The following CDH7 variants were observed in gnomAD, a reference collection of about 807,000 sequenced individuals.
CDH7 encodes cadherin-7.
Under a neutral mutation model 71.8 loss-of-function variants are expected in CDH7, and 25 were observed. The observed-to-expected ratio is 0.35, with a 90% CI of 0.25 to 0.49. CDH7 has a LOEUF of 0.49. CDH7 is among the 20% of genes least tolerant of loss of function. CDH7 has a pLI of 0.99. For synonymous variants in CDH7, 381 were observed against 363.8 expected (o/e 1.05, Z -0.54); for missense variants, 862 against 974.6 (o/e 0.88, Z 1.54).
intron 6 of CDH7, among the ~76,000 whole-genome samples, chr18:65,825,121 A>C (rs1345148895): frequency 6.6e-6 from 1 of 151,910 alleles, no homozygotes; most frequent in Non-Finnish European, 1.5e-5. Context: ...ATTTGGAGAG[A>C]TGAATATGTT....
rs1283831276 is a variant in CDH7, at chr18:65,789,292, A to G, written c.211-20412A>G. 2.0e-5 allele frequency among the ~76,000 whole-genome samples: 3 copies of G among 152,186 alleles called. No homozygotes were observed. The East Asian group carries it at 5.8e-4, about 29-fold the overall frequency. On this transcript the variant is annotated intron_variant, in intron 2 of 11. Transcript: ENST00000397968. The stretch of plus-strand genomic sequence containing the variant: ...GACTCCTAAATAAATGGGACTAGAG[A>G]AAAAGATAGTGTTGTTCAAAAGAAG...
chr18:65,775,252 G>A (rs1909894190), intron 2 of CDH7, among the ~76,000 whole-genome samples: 1 of 152,156 alleles, frequency 6.6e-6, no homozygotes, highest in South Asian at 2.1e-4. Flanking sequence ...GTGGTGCTGG[G>A]TGTGGAAGAT....
At chr18:65,793,790 GTCA>G (rs1172682013) in intron 2 of CDH7, among the ~76,000 whole-genome samples, 2 of 152,108 alleles carry the variant, frequency 1.3e-5, no homozygotes, top group African/African-American at 2.4e-5. Flanking sequence ...TGAAGCTGTT[GTCA>G]TCATGTTTCT....
intron 2 of CDH7, among the ~76,000 whole-genome samples, chr18:65,782,143 T>C (rs1288587229): frequency 1.9e-5 from 2 of 105,516 alleles, no homozygotes; most frequent in Non-Finnish European, 3.4e-5. Context: ...TCTTTCTTTC[T>C]TTCTTTCTTT....
intron 2 of CDH7, 78 bp from the exon 3 acceptor site, chr18:65,809,621 CTGACA>C (rs1911449817): frequency 8.6e-7 from 1 of 1,169,436 alleles, no homozygotes; most frequent in Non-Finnish European, 1.2e-6. Flanking sequence ...GTACTCCTGC[CTGACA>C]TAAGAATTAT....
intron 7 of CDH7, among the ~76,000 whole-genome samples, chr18:65,856,986 G>T (rs867804528): frequency 2.8e-4 from 42 of 147,968 alleles, no homozygotes; most frequent in African/African-American, 1.0e-3. Context: ...CATGTCTTTA[G>T]AATCCTGGTC....
chr18:65,833,147 T>C (rs1912411988), intron 6 of CDH7, among the ~76,000 whole-genome samples: 1 of 152,130 alleles, frequency 6.6e-6, no homozygotes, highest in Non-Finnish European at 1.5e-5. Context: ...TGTGGAGGTG[T>C]TAATAATGCT....
At chr18:65,815,700 T>C (rs1235952621) in intron 4 of CDH7, among the ~76,000 whole-genome samples, 1 of 152,188 alleles carries the variant, frequency 6.6e-6, no homozygotes, top group Non-Finnish European at 1.5e-5. Flanking sequence ...CATGGAAATC[T>C]ACAAAGGAAG....
At chr18:65,841,194 A>G (rs1912719710) in intron 6 of CDH7, among the ~76,000 whole-genome samples, 1 of 152,156 alleles carries the variant, frequency 6.6e-6, no homozygotes, top group South Asian at 2.1e-4. Flanking sequence ...GCAACCAATC[A>G]TCATGCATAA....
In CDH7 at chr18:65,885,129, A is replaced by G. The variant is rs1382945370; in HGVS notation, c.*4235A>G. ...AGTCGGCTGGATATAATAAAGAACA[A>G]GAAAGGAATAATAGCATTTGCATTT... On this transcript the variant is annotated 3_prime_UTR_variant, in exon 12 of 12. Coordinates refer to ENST00000397968, the MANE Select transcript of CDH7 (RefSeq NM_004361.5). 1.3e-5 allele frequency: 2 copies of G among 152,148 alleles called. No individual in the cohort carries two copies. Among genetic ancestry groups the G allele is most frequent in the Admixed American group, 1.3e-4 (2 of 15,276 alleles). The allele number at this position is 152,148 out of a possible 1,614,324, so 9.4% of individuals were successfully genotyped here.
chr18:65,831,273 G>A (rs1912339085), intron 6 of CDH7, among the ~76,000 whole-genome samples: 1 of 152,050 alleles, frequency 6.6e-6, no homozygotes, highest in African/African-American at 2.4e-5. Context: ...ATCTAACCAT[G>A]GAAGAGCAAC....
chr18:65,809,545 C>T (rs1281702890), intron 2 of CDH7, among the ~76,000 whole-genome samples, 159 bp from the exon 3 acceptor site: 1 of 152,196 alleles, frequency 6.6e-6, no homozygotes, highest in Non-Finnish European at 1.5e-5. Context: ...CTGACACATT[C>T]TAATAGCCTT....
At chr18:65,825,323 C>T (rs1043950113) in intron 6 of CDH7, among the ~76,000 whole-genome samples, 3 of 151,864 alleles carry the variant, frequency 2.0e-5, no homozygotes, top group Non-Finnish European at 2.9e-5. Context: ...TTGCATATTT[C>T]GTACAAGAAA....
chr18:65,810,072 T>C, intron 3 of CDH7, 74 bp downstream of exon 3: 1 of 1,227,472 alleles, frequency 8.1e-7, no homozygotes, highest in South Asian at 1.5e-5. Flanking sequence ...TAAATCATCA[T>C]TAAGTACTGA....
rs775609378 is a variant in CDH7, at chr18:65,799,314, G to C, written c.211-10390G>C. 1.3e-4 allele frequency among the ~76,000 whole-genome samples: 20 copies of C among 152,118 alleles called. No homozygotes were observed. The Middle Eastern group carries it at 0.014, about 103-fold the overall frequency. On this transcript the variant is annotated intron_variant, in intron 2 of 11. Coordinates refer to ENST00000397968, the MANE Select transcript of CDH7 (RefSeq NM_004361.5). ...GGGGCAGACATACCTTGTGAACCTGGTAGGATCACCCTGCTGTAGGAAAGA... is the reference window on the plus strand; with the variant it reads ...GGGGCAGACATACCTTGTGAACCTGCTAGGATCACCCTGCTGTAGGAAAGA...
chr18:65,879,048 C>A (rs1432898595), intron 11 of CDH7, among the ~76,000 whole-genome samples: 1 of 152,136 alleles, frequency 6.6e-6, no homozygotes, highest in Non-Finnish European at 1.5e-5. Flanking sequence ...TTTAAGAAAG[C>A]ATGTATTTTT....
At chr18:65,839,585 T>A (rs1311610156) in intron 6 of CDH7, among the ~76,000 whole-genome samples, 1 of 152,214 alleles carries the variant, frequency 6.6e-6, no homozygotes, top group Non-Finnish European at 1.5e-5. Flanking sequence ...TTACATTTTT[T>A]AAAATGCATG....
At chr18:65,781,819 C>CTTTCTTTCT (rs1910225190) in intron 2 of CDH7, among the ~76,000 whole-genome samples, 5 of 43,918 alleles carry the variant, frequency 1.1e-4, no homozygotes, top group South Asian at 1.2e-3. Context: ...TCCTTCCTTC[C>CTTTCTTTCT]TTCTTTCTTT....
chr18:65,847,140 GTTTA>G (rs1912963263), intron 7 of CDH7, among the ~76,000 whole-genome samples: 1 of 152,098 alleles, frequency 6.6e-6, no homozygotes, highest in African/African-American at 2.4e-5. Context: ...TGTCTCATAT[GTTTA>G]ACATAATAAA....
Sources: allele counts gnomAD v4.1 joint callset (sites outside exome capture counted in the v4.1 genomes callset), GRCh38; gene constraint gnomAD v4.1.1; transcripts MANE v1.5; gene names NCBI Gene and HGNC (gene_info 2026-07-23, HGNC 2026-07-21).